Variants in NLRP1 observed in about 807,000 individuals in gnomAD.
NLRP1 encodes NACHT, LRR and PYD domains-containing protein 1.
Under a neutral mutation model 136.7 loss-of-function variants are expected in NLRP1, and 94 were observed. That is an observed-to-expected ratio of 0.69 (90% CI 0.58 to 0.82). The LOEUF is 0.82. NLRP1 is among the 40% of genes least tolerant of loss of function. NLRP1 has a pLI of 0.00. For synonymous variants in NLRP1, 690 were observed against 725.1 expected (o/e 0.95, Z 0.78); for missense variants, 1,575 against 1,802.7 (o/e 0.87, Z 2.29).
rs1386668681 is a variant in NLRP1, at chr17:5,514,744, T to C, written c.*10A>G. 1 of 1,613,602 alleles carries C rather than the reference T, an allele frequency of 6.2e-7. No homozygotes were observed. The highest frequency in any genetic ancestry group is 2.2e-5 in the East Asian group (1 of 44,850). On this transcript the variant is annotated 3_prime_UTR_variant, in exon 17 of 17. Transcript: ENST00000572272. ...CCAGGACTCAAGGGTCAAGGGCTGGTGTTGATACTTCAGCTGCTGAGTGGC... is the reference window on the plus strand; with the variant it reads ...CCAGGACTCAAGGGTCAAGGGCTGGCGTTGATACTTCAGCTGCTGAGTGGC...
chr17:5,583,321 T>C lies in NLRP1; in HGVS notation c.271+366A>G, dbSNP rs1045585683. ...AGCCCAGGGAGGCGGGCTCTCACTC[T>C]CCCATTTTGCAGACAGAGAAATAGG... On this transcript the variant is annotated intron_variant, in intron 1 of 16. Coordinates refer to ENST00000572272, the MANE Select transcript of NLRP1 (RefSeq NM_033004.4). The surrounding 1 kb of genome is among the most constrained non-coding windows in gnomAD (Gnocchi z 4.5). 3.3e-5 allele frequency among the ~76,000 whole-genome samples: 5 copies of C among 152,136 alleles called. No homozygotes were observed. The highest frequency in any genetic ancestry group is 1.2e-4 in the African/African-American group (5 of 41,394).
In NLRP1 at chr17:5,572,161, G is replaced by C. The variant is rs533219442; in HGVS notation, c.652+9698C>G. 2.0e-5 allele frequency among the ~76,000 whole-genome samples: 3 copies of C among 152,218 alleles called. No homozygotes were observed. In the East Asian group the frequency reaches 5.8e-4, roughly 29 times the overall value. On this transcript the variant is annotated intron_variant, in intron 3 of 16. Coordinates refer to ENST00000572272, the MANE Select transcript of NLRP1 (RefSeq NM_033004.4). ...TTTAAAAACCCTTGAAGAAAACTTAGGAAATACTATTCTGAACATAGGTCC... is the reference window on the plus strand; with the variant it reads ...TTTAAAAACCCTTGAAGAAAACTTACGAAATACTATTCTGAACATAGGTCC...
At position 5,520,117 on chromosome 17, in the gene NLRP1, A is replaced by T. The variant is rs79564508; in HGVS notation, c.3915+764T>A. Reference sequence around the variant, plus strand: ...AGTGATCTGCCCACCTCGGTACCCAAAATGCTGGGATTACAGGCGTGAGCC... The same window carrying T: ...AGTGATCTGCCCACCTCGGTACCCATAATGCTGGGATTACAGGCGTGAGCC... On this transcript the variant is annotated intron_variant, in intron 14 of 16. Coordinates refer to ENST00000572272, the MANE Select transcript of NLRP1 (RefSeq NM_033004.4). 1.4e-3 allele frequency among the ~76,000 whole-genome samples: 206 copies of T among 151,960 alleles called. 3 individuals are homozygous for T. In the East Asian group the frequency reaches 0.038, roughly 28 times the overall value.
intron 3 of NLRP1, among the ~76,000 whole-genome samples, chr17:5,568,996 C>T (rs780568856): frequency 6.6e-6 from 1 of 152,078 alleles, no homozygotes; most frequent in Non-Finnish European, 1.5e-5. Context: ...GACTGTGCTC[C>T]AACCAAGAAT....
intron 5 of NLRP1, among the ~76,000 whole-genome samples, 198 bp from the exon 6 acceptor site, chr17:5,542,225 T>C (rs1055512485): frequency 6.6e-6 from 1 of 152,188 alleles, no homozygotes; most frequent in African/African-American, 2.4e-5. Flanking sequence ...TTTTTGATCC[T>C]TTTTGATTAA....
Position 5,541,598 on chromosome 17 carries a change from TCTGCCCC to T in NLRP1, c.2699+252_2699+258del. On this transcript the variant is annotated intron_variant, in intron 6 of 16. Transcript: ENST00000572272. The surrounding 1 kb of genome is among the most constrained non-coding windows in gnomAD (Gnocchi z 4.2). ...GTAGTCTGTGAAAATGGCCACAAAT[TCTGCCCC>T]CTGTCCCCACCTTGCATTCACGTCC... Among the ~76,000 whole-genome samples the T allele has an allele frequency of 6.6e-6, 1 of 152,288 alleles. No individual in the cohort carries two copies. The highest frequency in any genetic ancestry group is 1.9e-4 in the East Asian group (1 of 5,174).
chr17:5,532,692 G>T, intron 11 of NLRP1, 130 bp downstream of exon 11: 1 of 678,652 alleles, frequency 1.5e-6, no homozygotes, highest in Non-Finnish European at 2.3e-6. Flanking sequence ...CTGTTGTCTT[G>T]GCAAGAGGAG....
chr17:5,533,551 G>GTTTTTTTTTTTTTTTTTTTTTTTTT (rs35006823), intron 9 of NLRP1, among the ~76,000 whole-genome samples, 167 bp from the exon 10 acceptor site: 2 of 90,018 alleles, frequency 2.2e-5, no homozygotes, highest in African/African-American at 4.4e-5. Context: ...GTGAGACTCT[G>GTTTTTTTTTTTTTTTTTTTTTTTTT]TTTTTTTTTT....
rs137937569 is a variant in NLRP1, at chr17:5,581,766, C to T, written c.652+93G>A. The T allele has an allele frequency of 7.7e-4, 810 of 1,052,650 alleles. 2 individuals carry two copies. In the African/African-American group the frequency reaches 9.6e-3, roughly 12 times the overall value. 65.2% of individuals were successfully genotyped at this position (1,052,650 alleles called of 1,614,324 possible). On this transcript the variant is annotated intron_variant, in intron 3 of 16. Transcript: ENST00000572272. ...TTTCAGATGTTTTCCAGAACCTCTG[C>T]TTAGCCTGCCAACCTGGTCCCCAGG...
rs200920244 is a variant in NLRP1, at chr17:5,583,837, T to C, written c.121A>G (p.Thr41Ala). 15 of 1,567,696 alleles carry C rather than the reference T, an allele frequency of 9.6e-6. No homozygotes were observed. The highest frequency in any genetic ancestry group is 1.2e-5 in the Non-Finnish European group (14 of 1,154,730). Residue 41 changes from threonine (T) to alanine (A), a missense_variant, in exon 1 of 17, where the codon ACA (threonine) becomes GCA (alanine). Transcript: ENST00000572272. The surrounding 1 kb of genome is among the most constrained non-coding windows in gnomAD (Gnocchi z 4.5). Reference sequence around the variant, plus strand: ...CTCGTCTTCTCTGGCTGAGCGGGTGTCTCACCCGAAGAGCTCCTGGAGTGC... The same window carrying C: ...CTCGTCTTCTCTGGCTGAGCGGGTGCCTCACCCGAAGAGCTCCTGGAGTGC... ...KAHSRSSSGETPAQPEKTSGM... is the reference protein window; with the variant it reads ...KAHSRSSSGEAPAQPEKTSGM...
intron 12 of NLRP1, 65 bp downstream of exon 12, chr17:5,530,416 T>C: frequency 6.9e-7 from 1 of 1,448,882 alleles, no homozygotes; most frequent in South Asian, 1.2e-5. Context: ...GAGATTATCA[T>C]TCTACACTCC....
chr17:5,575,601 C>G (rs1001873855), intron 3 of NLRP1, among the ~76,000 whole-genome samples: 2 of 152,172 alleles, frequency 1.3e-5, no homozygotes, highest in Non-Finnish European at 2.9e-5. Flanking sequence ...GCACCCAATA[C>G]AGGATCACCC....
chr17:5,559,944 TG>T lies in NLRP1; in HGVS notation c.751del (p.His251ThrfsTer9), dbSNP rs1183382731. Reference sequence around the variant, plus strand: ...CACAGAAGGCTCCCATGGGTGGTGGTGGGGCTGTAGGCTGGTGTGCGCCTGT... The same window carrying T: ...CACAGAAGGCTCCCATGGGTGGTGGTGGGCTGTAGGCTGGTGTGCGCCTGT... Reference protein sequence around the residue: ...PPQAHTSLQPHHHPWEPSVRE... With the variant: ...PPQAHTSLQPXHHPWEPSVRE... On this transcript the variant is annotated frameshift_variant, in exon 4 of 17. Coordinates refer to ENST00000572272, the MANE Select transcript of NLRP1 (RefSeq NM_033004.4). LOFTEE classifies it high-confidence loss of function. 1 of 1,614,088 alleles carries T rather than the reference TG, an allele frequency of 6.2e-7. No individual in the cohort carries two copies. The highest frequency in any genetic ancestry group is 1.3e-5 in the African/African-American group (1 of 74,926).
intron 3 of NLRP1, among the ~76,000 whole-genome samples, chr17:5,565,594 T>C (rs550040184): frequency 3.4e-4 from 52 of 152,356 alleles, no homozygotes; most frequent in African/African-American, 1.1e-3. Context: ...AATGTTTTCT[T>C]GTAGTAGCTT....
At chr17:5,577,347 T>A (rs1905126020) in intron 3 of NLRP1, among the ~76,000 whole-genome samples, 1 of 152,196 alleles carries the variant, frequency 6.6e-6, no homozygotes. Flanking sequence ...ATGACATGAC[T>A]GAATATTTAG....
chr17:5,527,173 C>T (rs1463739012), intron 12 of NLRP1, among the ~76,000 whole-genome samples: 1 of 151,818 alleles, frequency 6.6e-6, no homozygotes, highest in Non-Finnish European at 1.5e-5. Context: ...CTTTTGGCTT[C>T]CCTGGGTCAC....
intron 11 of NLRP1, among the ~76,000 whole-genome samples, chr17:5,532,394 G>A (rs1910413660): frequency 6.6e-6 from 1 of 152,204 alleles, no homozygotes; most frequent in Non-Finnish European, 1.5e-5. Flanking sequence ...TGGCATTGTA[G>A]TTATGTTATG....
At chr17:5,526,382 C>T (rs943370659) in intron 12 of NLRP1, among the ~76,000 whole-genome samples, 8 of 152,136 alleles carry the variant, frequency 5.3e-5, no homozygotes, top group Admixed American at 4.6e-4. Flanking sequence ...AGTTTTGAGG[C>T]CTGAGGGATA....
chr17:5,557,810 G>A (rs1468789679), intron 4 of NLRP1, among the ~76,000 whole-genome samples: 4 of 152,146 alleles, frequency 2.6e-5, no homozygotes, highest in Admixed American at 6.5e-5. Context: ...GTGGCACCAC[G>A]GTCACAAATA....
Sources: gnomAD v4.1 joint callset for allele counts (sites outside exome capture counted in the v4.1 genomes callset) on GRCh38, gnomAD v4.1.1 for gene constraint, Gnocchi (gnomAD v3.1) non-coding constraint, MANE v1.5 for transcripts, NCBI Gene and HGNC (gene_info 2026-07-23, HGNC 2026-07-21) for gene names.